TNRC6A: variants seen among roughly 807,000 people sequenced by gnomAD.
The protein encoded by TNRC6A is trinucleotide repeat containing adaptor 6A, also known as trinucleotide repeat-containing gene 6A protein.
TNRC6A carries 44 observed loss-of-function variants against 221.2 expected under a neutral mutation model. That is an observed-to-expected ratio of 0.20 (90% CI 0.16 to 0.26). The LOEUF (loss-of-function observed/expected upper bound fraction) is 0.26. TNRC6A is among the 10% of genes least tolerant of loss of function. The probability of loss-of-function intolerance (pLI) is 1.00; values close to 1 mark genes in which losing one functional copy is unlikely to be tolerated. For synonymous variants in TNRC6A, 847 were observed against 838.5 expected (o/e 1.01, Z -0.18); for missense variants, 2,199 against 2,404.4 (o/e 0.91, Z 1.79).
chr16:24,677,215 T>G (rs1183490306), intron 2 of TNRC6A, among the ~76,000 whole-genome samples: 2 of 150,816 alleles, frequency 1.3e-5, no homozygotes, highest in African/African-American at 2.4e-5. Context: ...CAGGCTGGAA[T>G]GCAGTGGTGC....
intron 5 of TNRC6A, among the ~76,000 whole-genome samples, chr16:24,787,818 C>T (rs1480921077): frequency 6.6e-6 from 1 of 152,174 alleles, no homozygotes; most frequent in Non-Finnish European, 1.5e-5. Flanking sequence ...CAAATTGAAT[C>T]TGATTTTCCA....
At chr16:24,726,876 T>C (rs545452252), upstream of TNRC6A, among the ~76,000 whole-genome samples, 1 of 152,288 alleles carries the variant, frequency 6.6e-6, no homozygotes, top group African/African-American at 2.4e-5. Flanking sequence ...TCTTATATTG[T>C]CATTTTTCTT....
chr16:24,815,169 G>T lies in TNRC6A; in HGVS notation c.4695G>T (p.Arg1565Ser). 6 of 1,613,990 alleles carry T rather than the reference G, an allele frequency of 3.7e-6. No individual in the cohort carries two copies. Among genetic ancestry groups the T allele is most frequent in the Non-Finnish European group, 5.1e-6 (6 of 1,179,886 alleles). Reference protein sequence around the residue: ...SKHGAISSGFRLEESPFVPYD... With the variant: ...SKHGAISSGFSLEESPFVPYD... ...TAGGTGCTATTTCAAGTGGTTTCAGGCTGGAAGAGTCTCCATTTGTTCCCT... is the reference window on the plus strand; with the variant it reads ...TAGGTGCTATTTCAAGTGGTTTCAGTCTGGAAGAGTCTCCATTTGTTCCCT... Residue 1565 changes from arginine (R) to serine (S), a missense_variant, in exon 19 of 25, where the codon AGG becomes AGT. By Grantham distance (110) the Arg-to-Ser change is moderately radical. Transcript: ENST00000395799.
intron 1 of TNRC6A, among the ~76,000 whole-genome samples, chr16:24,623,819 T>C (rs1030455741): frequency 7.2e-6 from 1 of 139,772 alleles, no homozygotes; most frequent in Non-Finnish European, 1.5e-5. Context: ...GGAGGATTGG[T>C]TGAGCCCAGG....
chr16:24,738,672 G>GT (rs1355793658), intron 2 of TNRC6A, among the ~76,000 whole-genome samples: 2 of 152,020 alleles, frequency 1.3e-5, no homozygotes. Context: ...TGCCCATTTT[G>GT]TTTGTCCGTT....
chr16:24,813,244 G>C (rs1372029698), intron 18 of TNRC6A, among the ~76,000 whole-genome samples: 1 of 152,118 alleles, frequency 6.6e-6, no homozygotes, highest in Non-Finnish European at 1.5e-5. Flanking sequence ...TACTGCTAGA[G>C]ATATATTGCA....
At chr16:24,741,956 CCT>C (rs1394561942) in intron 2 of TNRC6A, among the ~76,000 whole-genome samples, 10 of 152,234 alleles carry the variant, frequency 6.6e-5, no homozygotes, top group Admixed American at 2.0e-4. Flanking sequence ...CGTGCTTCAG[CCT>C]CCTGAGGAGC....
chr16:24,720,790 C>T (rs1053330133), intron 2 of TNRC6A, among the ~76,000 whole-genome samples: 12 of 150,500 alleles, frequency 8.0e-5, no homozygotes, highest in African/African-American at 2.9e-4. Context: ...AATCCCAGCA[C>T]TTTGGGAGGC....
upstream of TNRC6A, among the ~76,000 whole-genome samples, chr16:24,727,143 C>A (rs2056505817): frequency 6.6e-6 from 1 of 151,972 alleles, no homozygotes; most frequent in African/African-American, 2.4e-5. Flanking sequence ...GATTCTCCTG[C>A]CTCAGCCTCC....
chr16:24,631,807 A>ATCC (rs1901356852), intron 1 of TNRC6A, among the ~76,000 whole-genome samples: 1 of 151,176 alleles, frequency 6.6e-6, no homozygotes, highest in Non-Finnish European at 1.5e-5. Flanking sequence ...AAAACAGAAC[A>ATCC]TCCTAGGGTT....
intron 7 of TNRC6A, among the ~76,000 whole-genome samples, chr16:24,793,919 A>T (rs1030833292): frequency 1.3e-5 from 2 of 152,204 alleles, no homozygotes; most frequent in Admixed American, 6.5e-5. Flanking sequence ...AAATTAGGTT[A>T]TCTAGGAAGA....
chr16:24,614,302 G>C (rs994959972), intron 1 of TNRC6A, among the ~76,000 whole-genome samples: 1 of 152,182 alleles, frequency 6.6e-6, no homozygotes, highest in Admixed American at 6.5e-5. Flanking sequence ...GACAAGTTAC[G>C]TAGTCAAGCC....
intron 19 of TNRC6A, 133 bp from the exon 20 acceptor site, chr16:24,816,683 T>A: frequency 9.4e-7 from 1 of 1,066,128 alleles, no homozygotes; most frequent in South Asian, 1.7e-5. Flanking sequence ...TGAACCATCC[T>A]CTTAGAGTAT....
rs1010900742 is a variant in TNRC6A, at chr16:24,805,227, G to A, written c.4122+76G>A. ...CATGATTTTGTATTTGAATAAAATG[G>A]CTAACTAAGCATTATCATATTTATT... is the stretch of plus-strand genomic sequence containing the variant. On this transcript the variant is annotated intron_variant, in intron 14 of 24. Coordinates refer to ENST00000395799, the MANE Select transcript of TNRC6A (RefSeq NM_014494.4). The A allele has an allele frequency of 4.5e-6, 7 of 1,557,302 alleles. No individual in the cohort carries two copies. In the African/African-American group the frequency reaches 6.8e-5, roughly 15 times the overall value.
At position 24,823,106 on chromosome 16, in the gene TNRC6A, G is replaced by A; in HGVS notation, c.5513+93G>A. ...CGGGGCAGTGCACAGGGTCCTGCGT[G>A]GGTGGCTCCTGCTGGCTGCAGTAGT... On this transcript the variant is annotated intron_variant, in intron 24 of 24. Coordinates refer to ENST00000395799, the MANE Select transcript of TNRC6A (RefSeq NM_014494.4). This position sits in a 1 kb window ranked among gnomAD's most constrained non-coding sequence, Gnocchi z 4.3. The A allele has an allele frequency of 6.5e-7, 1 of 1,535,834 alleles. No individual in the cohort carries two copies.
intron 2 of TNRC6A, among the ~76,000 whole-genome samples, chr16:24,737,967 A>G (rs2056808100): frequency 6.6e-6 from 1 of 152,214 alleles, no homozygotes; most frequent in Non-Finnish European, 1.5e-5. Flanking sequence ...TATGTTTTAT[A>G]TGTTATTCCA....
chr16:24,716,079 G>A (rs1000209676), intron 2 of TNRC6A, among the ~76,000 whole-genome samples: 1 of 151,844 alleles, frequency 6.6e-6, no homozygotes, highest in African/African-American at 2.4e-5. Flanking sequence ...TACAGACACC[G>A]AGATACATTG....
intron 2 of TNRC6A, among the ~76,000 whole-genome samples, chr16:24,707,596 G>GA (rs1437635426): frequency 6.6e-6 from 1 of 151,910 alleles, no homozygotes; most frequent in African/African-American, 2.4e-5. Flanking sequence ...TAATTAAAAA[G>GA]AAAAAATATG....
At chr16:24,747,815 A>G (rs2057045835) in intron 2 of TNRC6A, among the ~76,000 whole-genome samples, 1 of 152,218 alleles carries the variant, frequency 6.6e-6, no homozygotes, top group Non-Finnish European at 1.5e-5. Flanking sequence ...ACTAAAGGGG[A>G]TATTTTTGGC....
Sources: allele counts gnomAD v4.1 joint callset (sites outside exome capture counted in the v4.1 genomes callset), GRCh38; gene constraint gnomAD v4.1.1; non-coding constraint Gnocchi (gnomAD v3.1); transcripts MANE v1.5; gene names NCBI Gene and HGNC (gene_info 2026-07-23, HGNC 2026-07-21).